JADE2: variants seen among roughly 807,000 people sequenced by gnomAD.
The protein encoded by JADE2 is jade family PHD finger 2, also known as E3 ubiquitin-protein ligase Jade-2.
JADE2 carries 13 observed loss-of-function variants against 85.7 expected under a neutral mutation model. That is an observed-to-expected ratio of 0.15 (90% CI 0.10 to 0.24). JADE2 has a LOEUF of 0.24. JADE2 is among the 10% of genes least tolerant of loss of function. The pLI is 1.00. For synonymous variants in JADE2, 440 were observed against 456.1 expected (o/e 0.96, Z 0.45); for missense variants, 846 against 1,115.9 (o/e 0.76, Z 3.45).
chr5:134,542,632 G>A (rs1167509645), intron 3 of JADE2, among the ~76,000 whole-genome samples: 1 of 151,976 alleles, frequency 6.6e-6, no homozygotes, highest in African/African-American at 2.4e-5. Flanking sequence ...AGTAGAGACA[G>A]GGTTTCTCCA....
chr5:134,559,685 G>C (rs1159562595), intron 4 of JADE2, 145 bp from the exon 5 acceptor site: 31 of 704,320 alleles, frequency 4.4e-5, no homozygotes, highest in Non-Finnish European at 2.3e-6. Context: ...GGAAGTGAAG[G>C]AGGGGGTGGA....
At chr5:134,561,853 C>G (rs1763343190) in intron 6 of JADE2, among the ~76,000 whole-genome samples, 1 of 152,128 alleles carries the variant, frequency 6.6e-6, no homozygotes, top group Non-Finnish European at 1.5e-5. Flanking sequence ...GAAGTACACA[C>G]CCAATTTTGT....
intron 6 of JADE2, among the ~76,000 whole-genome samples, chr5:134,561,707 A>G (rs1297641466): frequency 3.9e-5 from 6 of 152,148 alleles, no homozygotes; most frequent in Admixed American, 3.9e-4. Context: ...GGGCAGTGCA[A>G]GTCTCATATA....
Position 134,578,494 on chromosome 5 carries a change from C to T in JADE2, c.1682C>T (p.Ala561Val). The T allele has an allele frequency of 6.4e-7, 1 of 1,569,500 alleles. No homozygotes were observed. The highest frequency in any genetic ancestry group is 1.2e-5 in the South Asian group (1 of 84,268). ...AGPDSVLGQL[A>V]GLSTSFPIDG... ...TCACTTGCCTCCTCTCTCCCCTCAG[C>T]AGGCCTGTCCACCTCATTCCCCATC... The change falls in exon 12 of 12, where the codon GCA becomes GTA. Residue 561 changes from alanine (A) to valine (V), a missense_variant and splice_region_variant. Physicochemically the swap from Ala to Val is moderately conservative, Grantham distance 64. Coordinates refer to ENST00000681547, the MANE Select transcript of JADE2 (RefSeq NM_001388185.1). The surrounding 1 kb of genome is among the most constrained non-coding windows in gnomAD (Gnocchi z 4.4).
At position 134,539,821 on chromosome 5, in the gene JADE2, G is replaced by T. The variant is rs1042959130; in HGVS notation, c.153+1738G>T. 3.9e-5 allele frequency among the ~76,000 whole-genome samples: 6 copies of T among 152,196 alleles called. No individual in the cohort carries two copies. In the East Asian group the frequency reaches 1.2e-3, roughly 29 times the overall value. On this transcript the variant is annotated intron_variant, in intron 3 of 11. Transcript: ENST00000681547. ...CACTGTCTTTAGCCAGCCCTTGGAG[G>T]GGGGCTTCTGCAGAGGCTTGCATCT...
At chr5:134,564,725 C>A in intron 8 of JADE2, 115 bp downstream of exon 8, 1 of 633,670 alleles carries the variant, frequency 1.6e-6, no homozygotes, top group Non-Finnish European at 2.7e-6. Context: ...ACTGATGGGC[C>A]CCAGAGGGGT....
At chr5:134,554,146 C>T (rs1049271874) in intron 4 of JADE2, among the ~76,000 whole-genome samples, 1 of 152,206 alleles carries the variant, frequency 6.6e-6, no homozygotes, top group Non-Finnish European at 1.5e-5. Context: ...TTCGTGGCAG[C>T]TGCATCTGAT....
At chr5:134,538,349 C>T (rs1301799797) in intron 3 of JADE2, among the ~76,000 whole-genome samples, 1 of 152,114 alleles carries the variant, frequency 6.6e-6, no homozygotes, top group African/African-American at 2.4e-5. Context: ...GTGAAAGTTC[C>T]CCCTGGCCGC....
rs146117483 is a variant in JADE2 at position 134,563,617 on chromosome 5, C to T, written c.853-877C>T. Reference sequence around the variant, plus strand: ...GTGTTGCCTGTGCCCAGAAGCAAGCCAGGTGGCCCTGTCCATAAGTGGCAC... The same window carrying T: ...GTGTTGCCTGTGCCCAGAAGCAAGCTAGGTGGCCCTGTCCATAAGTGGCAC... On this transcript the variant is annotated intron_variant, in intron 7 of 11. Transcript: ENST00000681547. 6.6e-5 allele frequency among the ~76,000 whole-genome samples: 10 copies of T among 152,364 alleles called. No homozygotes were observed. In the East Asian group the frequency reaches 1.7e-3, roughly 26 times the overall value.
rs1465470432 is a variant in JADE2, at chr5:134,535,804, G to T, written c.1-54G>T. The T allele has an allele frequency of 2.6e-6, 4 of 1,512,392 alleles. No individual in the cohort carries two copies. The Admixed American group carries it at 6.7e-5, about 25-fold the overall frequency. The allele number at this position is 1,512,392 out of a possible 1,614,324, so 93.7% of individuals were successfully genotyped here. A position where few individuals can be genotyped will look rare whatever the true frequency, so the allele number is the denominator to read the frequency against. On this transcript the variant is annotated intron_variant, in intron 1 of 11. Transcript: ENST00000681547. ...TGGTTATGGGGTGATTTTCTGAGAG[G>T]TTGAGGATTTCCCAAGCCATCCGTG...
At chr5:134,526,653 G>A (rs1187679565) in intron 1 of JADE2, 2 of 985,380 alleles carry the variant, frequency 2.0e-6, no homozygotes, top group Non-Finnish European at 2.4e-6. Flanking sequence ...TCCCGGCCCG[G>A]TGCACGCGGG....
chr5:134,577,483 T>A (rs1319038684), intron 11 of JADE2, among the ~76,000 whole-genome samples: 1 of 152,154 alleles, frequency 6.6e-6, no homozygotes, highest in Non-Finnish European at 1.5e-5. Flanking sequence ...CTTCCAGACC[T>A]TGCCTCTGGG....
intron 5 of JADE2, among the ~76,000 whole-genome samples, chr5:134,560,267 T>C (rs772231010): frequency 6.6e-6 from 1 of 152,046 alleles, no homozygotes; most frequent in Non-Finnish European, 1.5e-5. Context: ...TTAGTGAGCA[T>C]GCAGGGGAGG....
intron 9 of JADE2, among the ~76,000 whole-genome samples, chr5:134,571,048 T>C (rs1382135326): frequency 6.6e-6 from 1 of 152,252 alleles, no homozygotes; most frequent in Non-Finnish European, 1.5e-5. Flanking sequence ...GCAGGATTAG[T>C]TCCTGCCGGA....
At chr5:134,571,846 G>A (rs1372381091) in intron 9 of JADE2, among the ~76,000 whole-genome samples, 1 of 152,216 alleles carries the variant, frequency 6.6e-6, no homozygotes, top group Non-Finnish European at 1.5e-5. Flanking sequence ...CCCCCAGCCT[G>A]GCCTGGCTTG....
chr5:134,573,542 C>G (rs971721619), intron 9 of JADE2, 103 bp from the exon 10 acceptor site: 2 of 800,120 alleles, frequency 2.5e-6, no homozygotes, highest in African/African-American at 3.4e-5. Flanking sequence ...TGGCGGTAGC[C>G]TGTGCCCCTG....
rs1329651060 is a variant in JADE2, at chr5:134,566,357, T to G, written c.1211T>G (p.Phe404Cys). 1 of 1,613,830 alleles carries G rather than the reference T, an allele frequency of 6.2e-7. No homozygotes were observed. Among genetic ancestry groups the G allele is most frequent in the Non-Finnish European group, 8.5e-7 (1 of 1,180,008 alleles). Residue 404 changes from phenylalanine to cysteine, a missense_variant, in exon 9 of 12, where the codon TTC becomes TGC. Phe to Cys is a radical substitution (Grantham distance 205). This residue lies in a region of JADE2 where 88 missense variants were observed against 140.6 expected (regional missense o/e 0.63). Transcript: ENST00000681547. This position sits in a 1 kb window ranked among gnomAD's most constrained non-coding sequence, Gnocchi z 6.7. Reference sequence around the variant, plus strand: ...CGGCTGCAGCAGCTAGAGGAGGACTTCTACGAGCTGGTGGAGCCGGCTGAG... The same window carrying G: ...CGGCTGCAGCAGCTAGAGGAGGACTGCTACGAGCTGGTGGAGCCGGCTGAG... ...KQRLQQLEED[F>C]YELVEPAEVA...
At chr5:134,546,717 G>A (rs1010109334) in intron 3 of JADE2, among the ~76,000 whole-genome samples, 4 of 150,630 alleles carry the variant, frequency 2.7e-5, no homozygotes, top group Non-Finnish European at 5.9e-5. Context: ...GCAGTGAGCC[G>A]AGATCACACC....
intron 1 of JADE2, among the ~76,000 whole-genome samples, chr5:134,527,662 G>C (rs329121): frequency 0.66 from 99,486 of 151,492 alleles, 33,241 homozygotes; most frequent in East Asian, 0.92. Flanking sequence ...TCCCGGCTCC[G>C]GCGGTCGGAA....
Sources: allele counts gnomAD v4.1 joint callset (sites outside exome capture counted in the v4.1 genomes callset), GRCh38; gene constraint gnomAD v4.1.1; regional missense constraint gnomAD v4.1.1; non-coding constraint Gnocchi (gnomAD v3.1); transcripts MANE v1.5; gene names NCBI Gene and HGNC (gene_info 2026-07-23, HGNC 2026-07-21).